DMTF1: variants seen among roughly 807,000 people sequenced by gnomAD.
DMTF1 encodes cyclin D binding myb like transcription factor 1, also known as cyclin-D-binding Myb-like transcription factor 1.
A neutral mutation model predicts 91.1 loss-of-function variants in DMTF1; 39 were observed. That is an observed-to-expected ratio of 0.43 (90% CI 0.33 to 0.56). The LOEUF (loss-of-function observed/expected upper bound fraction) is 0.56, where lower values mean the gene tolerates loss of function less well. Among genes scored for constraint, DMTF1 ranks in the 20% least tolerant of loss-of-function variants. The probability of loss-of-function intolerance (pLI) is 0.05; values close to 1 mark genes in which losing one functional copy is unlikely to be tolerated. For missense variants in DMTF1, 750 were observed against 914.5 expected, an observed-to-expected ratio of 0.82 and a Z score of 2.32; for synonymous variants, 338 against 309.5, an observed-to-expected ratio of 1.09 and a Z score of -0.97.
chr7:87,170,648 C>T (rs1308279321), intron 4 of DMTF1, among the ~76,000 whole-genome samples: 3 of 152,176 alleles, frequency 2.0e-5, no homozygotes, highest in Non-Finnish European at 4.4e-5. Flanking sequence ...TACTATCCTC[C>T]ACCCCAACAC....
At chr7:87,190,419 G>A (rs1374964691) in intron 13 of DMTF1, among the ~76,000 whole-genome samples, 1 of 152,066 alleles carries the variant, frequency 6.6e-6, no homozygotes, top group Non-Finnish European at 1.5e-5. Context: ...GACATCCATA[G>A]TGCTTACCCA....
chr7:87,167,038 C>T (rs561094528), intron 4 of DMTF1, among the ~76,000 whole-genome samples: 1 of 152,228 alleles, frequency 6.6e-6, no homozygotes, highest in South Asian at 2.1e-4. Flanking sequence ...GCATGCTTTA[C>T]AATAGGTACT....
chr7:87,193,418 C>A, intron 15 of DMTF1, 65 bp downstream of exon 15: 1 of 1,525,950 alleles, frequency 6.6e-7, no homozygotes, highest in Non-Finnish European at 9.1e-7. Context: ...TGATAAGGAC[C>A]AAAATAGAAG....
intron 14 of DMTF1, among the ~76,000 whole-genome samples, chr7:87,191,442 C>T (rs1799745203): frequency 6.6e-6 from 1 of 152,146 alleles, no homozygotes; most frequent in Non-Finnish European, 1.5e-5. Context: ...TGTGTTGTAG[C>T]TCCTGAAGAG....
intron 13 of DMTF1, 56 bp from the exon 14 acceptor site, chr7:87,190,881 CTTAAATTA>C: frequency 1.4e-6 from 2 of 1,416,074 alleles, no homozygotes; most frequent in Non-Finnish European, 1.9e-6. Flanking sequence ...ACTAGAGAAA[CTTAAATTA>C]ACAAAACATT....
intron 7 of DMTF1, 74 bp downstream of exon 7, chr7:87,174,743 G>A: frequency 1.0e-6 from 1 of 999,988 alleles, no homozygotes; most frequent in South Asian, 1.5e-5. Flanking sequence ...ACAGAATGTT[G>A]TGTGCACTTA....
chr7:87,156,834 G>A (rs1293850601), intron 1 of DMTF1, among the ~76,000 whole-genome samples: 3 of 152,068 alleles, frequency 2.0e-5, no homozygotes, highest in Non-Finnish European at 4.4e-5. Flanking sequence ...TAAAGCATTA[G>A]TTATACAATG....
intron 6 of DMTF1, among the ~76,000 whole-genome samples, chr7:87,174,126 G>A (rs757641613): frequency 6.6e-5 from 10 of 152,130 alleles, no homozygotes; most frequent in Admixed American, 5.9e-4. Flanking sequence ...GCAGAAAAAC[G>A]TAAATAATTT....
chr7:87,182,316 A>G lies in DMTF1; in HGVS notation c.799A>G (p.Met267Val). 6.2e-7 allele frequency: 1 copy of G among 1,614,078 alleles called. No homozygotes were observed. The highest frequency in any genetic ancestry group is 8.5e-7 in the Non-Finnish European group (1 of 1,179,980). The change falls in exon 10 of 18, where the codon ATG becomes GTG. Residue 267 changes from methionine (M) to valine (V), a missense_variant. Met to Val is a conservative substitution (Grantham distance 21, BLOSUM62 1). Coordinates refer to ENST00000331242, the MANE Select transcript of DMTF1 (RefSeq NM_001142327.2). ...ASSVKDRCRL[M>V]KDTCNTGKWT... The stretch of plus-strand genomic sequence containing the variant: ...TTCTGTCAAAGATCGGTGCCGACTG[A>G]TGAAGGATACTTGCAACACAGGTAC...
intron 12 of DMTF1, chr7:87,187,051 G>T (rs1245706530): frequency 6.6e-6 from 1 of 151,918 alleles, no homozygotes; most frequent in Non-Finnish European, 1.5e-5. Context: ...TCTTAAGTTG[G>T]GTTTGCTTAA....
chr7:87,180,661 T>C (rs1297249971), intron 8 of DMTF1, among the ~76,000 whole-genome samples: 4 of 152,178 alleles, frequency 2.6e-5, no homozygotes, highest in Admixed American at 6.5e-5. Flanking sequence ...CCCATAAGTT[T>C]TTTTGGAGTA....
At chr7:87,179,741 A>AG in intron 8 of DMTF1, 39 bp downstream of exon 8, 1 of 1,529,528 alleles carries the variant, frequency 6.5e-7, no homozygotes, top group East Asian at 2.4e-5. Flanking sequence ...TCATGTAATT[A>AG]GGGGAAATAT....
At chr7:87,178,570 T>C (rs1363942699) in intron 7 of DMTF1, among the ~76,000 whole-genome samples, 1 of 152,142 alleles carries the variant, frequency 6.6e-6, no homozygotes, top group East Asian at 1.9e-4. Context: ...TAACACAAAC[T>C]TGTATTCCTG....
intron 5 of DMTF1, among the ~76,000 whole-genome samples, chr7:87,172,418 A>G (rs886798940): frequency 1.3e-5 from 2 of 152,238 alleles, no homozygotes; most frequent in African/African-American, 4.8e-5. Flanking sequence ...TATAAAAGTA[A>G]AGTAATAGGC....
In DMTF1 at chr7:87,194,933, T is replaced by C. The variant is rs570194923; in HGVS notation, c.2174-98T>C. On this transcript the variant is annotated intron_variant, in intron 17 of 17. Transcript: ENST00000331242. Reference sequence around the variant, plus strand: ...CTTTCTTGATCCAATAAGCTACTAGTCCTGTTGAGTTCTACACTGTGGTAG... The same window carrying C: ...CTTTCTTGATCCAATAAGCTACTAGCCCTGTTGAGTTCTACACTGTGGTAG... 2.3e-3 allele frequency: 3,257 copies of C among 1,426,934 alleles called. 7 individuals carry two copies. The highest frequency in any genetic ancestry group is 2.5e-3 in the Non-Finnish European group (2,533 of 1,031,498). The allele number at this position is 1,426,934 out of a possible 1,614,324, so 88.4% of individuals were successfully genotyped here. A position where few individuals can be genotyped will look rare whatever the true frequency, so the allele number is the denominator to read the frequency against.
At chr7:87,153,428 CA>C (rs1342095205) in intron 1 of DMTF1, among the ~76,000 whole-genome samples, 1 of 152,208 alleles carries the variant, frequency 6.6e-6, no homozygotes, top group Non-Finnish European at 1.5e-5. Flanking sequence ...TGTTTTACCA[CA>C]ATCTCCAGAG....
chr7:87,159,408 T>TAG (rs16627), intron 1 of DMTF1, among the ~76,000 whole-genome samples: 1 of 151,566 alleles, frequency 6.6e-6, no homozygotes, highest in Non-Finnish European at 1.5e-5. Flanking sequence ...TGTACACCAA[T>TAG]AGAATTTTCA....
chr7:87,194,997 T>C (rs747001480), intron 17 of DMTF1, 34 bp from the exon 18 acceptor site: 14 of 1,546,984 alleles, frequency 9.0e-6, no homozygotes, highest in South Asian at 2.3e-5. Flanking sequence ...AGAATAAATA[T>C]ATACATTTAA....
intron 7 of DMTF1, among the ~76,000 whole-genome samples, chr7:87,177,966 G>A (rs892829897): frequency 1.1e-4 from 16 of 152,172 alleles, no homozygotes; most frequent in African/African-American, 3.9e-4. Context: ...GGCTGTTCTT[G>A]GCCCTTTGCT....
Sources: allele counts gnomAD v4.1 joint callset (sites outside exome capture counted in the v4.1 genomes callset), GRCh38; gene constraint gnomAD v4.1.1; transcripts MANE v1.5; gene names NCBI Gene and HGNC (gene_info 2026-07-23, HGNC 2026-07-21).